ASPH: variants seen among roughly 807,000 people sequenced by gnomAD.
ASPH encodes the protein aspartyl/asparaginyl beta-hydroxylase.
Under a neutral mutation model 118.4 loss-of-function variants are expected in ASPH, and 100 were observed. The ratio of observed to expected loss-of-function variants is 0.84; its 90% CI spans 0.72 to 1.00. The LOEUF is 1.00. ASPH is among the 50% of genes least tolerant of loss of function. The probability of loss-of-function intolerance (pLI) is 0.00; values close to 1 mark genes in which losing one functional copy is unlikely to be tolerated. For synonymous variants in ASPH, 315 were observed against 325.6 expected, an observed-to-expected ratio of 0.97 and a Z score of 0.35; for missense variants, 920 against 919.5, an observed-to-expected ratio of 1.00 and a Z score of -0.01.
intron 14 of ASPH, among the ~76,000 whole-genome samples, chr8:61,590,771 A>G (rs1840879729): frequency 6.6e-6 from 1 of 152,042 alleles, no homozygotes; most frequent in Admixed American, 6.5e-5. Context: ...TGGCATGAAC[A>G]TTGACACTTC....
At position 61,502,968 on chromosome 8, in the gene ASPH, G is replaced by C. The variant is rs577848094; in HGVS notation, c.*391C>G. ...ATGACAAAATAGTCTAGCTACACTA[G>C]AAAAATATAACTGCATAGAAAAATT... On this transcript the variant is annotated 3_prime_UTR_variant, in exon 25 of 25. Transcript: ENST00000379454. 1.3e-5 allele frequency: 2 copies of C among 155,946 alleles called. No individual in the cohort carries two copies. The highest frequency in any genetic ancestry group is 1.9e-4 in the East Asian group (1 of 5,332). The allele number at this position is 155,946 out of a possible 1,614,324, so 9.7% of individuals were successfully genotyped here. A position where few individuals can be genotyped will look rare whatever the true frequency, so the allele number is the denominator to read the frequency against.
intron 18 of ASPH, among the ~76,000 whole-genome samples, chr8:61,558,202 G>C (rs1316965993): frequency 6.6e-6 from 1 of 152,204 alleles, no homozygotes; most frequent in East Asian, 1.9e-4. Flanking sequence ...GGTTATATAA[G>C]AGGGGCACCT....
At chr8:61,646,243 C>T (rs1356130212) in intron 6 of ASPH, among the ~76,000 whole-genome samples, 10 of 152,162 alleles carry the variant, frequency 6.6e-5, no homozygotes, top group African/African-American at 1.9e-4. Context: ...GCTGCTTTTA[C>T]GCTGTGATGG....
chr8:61,597,482 C>T (rs1437534486), intron 14 of ASPH, among the ~76,000 whole-genome samples: 1 of 152,094 alleles, frequency 6.6e-6, no homozygotes, highest in Non-Finnish European at 1.5e-5. Flanking sequence ...GAAATAATAG[C>T]TTTCAAACTT....
At chr8:61,627,277 C>T (rs1309520389) in intron 13 of ASPH, among the ~76,000 whole-genome samples, 1 of 152,166 alleles carries the variant, frequency 6.6e-6, no homozygotes, top group Non-Finnish European at 1.5e-5. Context: ...AATGACTACA[C>T]TTAACAAGGT....
At position 61,714,489 on chromosome 8, in the gene ASPH, T is replaced by C; in HGVS notation, c.-118A>G. Reference sequence around the variant, plus strand: ...CGCTGGAGCGGGTTCGGGCCGCTGCTCCTGCAGCAGACCCTGTGCCTCAGC... The same window carrying C: ...CGCTGGAGCGGGTTCGGGCCGCTGCCCCTGCAGCAGACCCTGTGCCTCAGC... On this transcript the variant is annotated 5_prime_UTR_variant, in exon 1 of 25. Coordinates refer to ENST00000379454, the MANE Select transcript of ASPH (RefSeq NM_004318.4). 1 of 1,325,964 alleles carries C rather than the reference T, an allele frequency of 7.5e-7. No individual in the cohort carries two copies. Among genetic ancestry groups the C allele is most frequent in the African/African-American group, 1.6e-5 (1 of 64,446 alleles). 82.1% of individuals were successfully genotyped at this position (1,325,964 alleles called of 1,614,324 possible). A position where few individuals can be genotyped will look rare whatever the true frequency, so the allele number is the denominator to read the frequency against.
intron 20 of ASPH, 105 bp downstream of exon 20, chr8:61,552,926 A>G (rs1203628803): frequency 2.1e-6 from 2 of 958,226 alleles, no homozygotes; most frequent in African/African-American, 1.7e-5. Flanking sequence ...CTGCTTTCGA[A>G]AGTTCACACT....
At chr8:61,699,053 G>A (rs902655050) in intron 1 of ASPH, among the ~76,000 whole-genome samples, 1 of 152,218 alleles carries the variant, frequency 6.6e-6, no homozygotes, top group African/African-American at 2.4e-5. Flanking sequence ...GCCTAACCAA[G>A]TGGGCGCTGG....
At chr8:61,639,247 G>A (rs141343315) in intron 10 of ASPH, among the ~76,000 whole-genome samples, 229 of 152,098 alleles carry the variant, frequency 1.5e-3, no homozygotes, top group African/African-American at 4.9e-3. Flanking sequence ...CTTGCTTCTC[G>A]TCACCCTCTC....
chr8:61,585,134 C>A (rs1263680762), intron 14 of ASPH, among the ~76,000 whole-genome samples: 1 of 152,212 alleles, frequency 6.6e-6, no homozygotes, highest in Non-Finnish European at 1.5e-5. Context: ...CAATCCATTG[C>A]TTACTTAGCA....
rs1213649462 is a variant in ASPH at position 61,500,709 on chromosome 8, A to T, written c.*2650T>A. 1 of 152,210 alleles carries T rather than the reference A, an allele frequency of 6.6e-6. No homozygotes were observed. The highest frequency in any genetic ancestry group is 1.5e-5 in the Non-Finnish European group (1 of 68,036). The allele number at this position is 152,210 out of a possible 1,614,324, so 9.4% of individuals were successfully genotyped here. On this transcript the variant is annotated 3_prime_UTR_variant, in exon 25 of 25. Transcript: ENST00000379454. The stretch of plus-strand genomic sequence containing the variant: ...CCAAGACCAGTGCATATTTTTAGAC[A>T]TCTCTTATTCGCCCAGCCATCTGCA...
chr8:61,634,661 T>C (rs1234105143), intron 12 of ASPH, among the ~76,000 whole-genome samples: 1 of 152,220 alleles, frequency 6.6e-6, no homozygotes, highest in Non-Finnish European at 1.5e-5. Flanking sequence ...GACTATTGAA[T>C]AGCTATGTTG....
chr8:61,698,945 C>T (rs1834588696), intron 1 of ASPH, among the ~76,000 whole-genome samples: 1 of 152,234 alleles, frequency 6.6e-6, no homozygotes, highest in East Asian at 1.9e-4. Context: ...AAAGAGAAGT[C>T]TGGTCTTTGC....
chr8:61,582,483 G>A (rs1837884358), intron 15 of ASPH, among the ~76,000 whole-genome samples: 1 of 152,094 alleles, frequency 6.6e-6, no homozygotes, highest in Admixed American at 6.5e-5. Context: ...AACAGTAGAT[G>A]GCTTCACTTC....
At chr8:61,676,213 G>T (rs749721439) in intron 3 of ASPH, 6 of 1,598,234 alleles carry the variant, frequency 3.8e-6, no homozygotes, top group Middle Eastern at 1.7e-4. Flanking sequence ...TTATATCATA[G>T]AGAAATGAGA....
chr8:61,624,608 C>T (rs911369966), intron 13 of ASPH: 23 of 985,132 alleles, frequency 2.3e-5, no homozygotes, highest in East Asian at 2.3e-4. Flanking sequence ...GAAAATCCAC[C>T]GATGTTGCAC....
chr8:61,646,762 C>T lies in ASPH; in HGVS notation c.607G>A (p.Val203Ile). 3 of 1,610,756 alleles carry T rather than the reference C, an allele frequency of 1.9e-6. No individual in the cohort carries two copies. The highest frequency in any genetic ancestry group is 1.1e-5 in the South Asian group (1 of 90,854). Residue 203 changes from valine (V) to isoleucine (I), a missense_variant, in exon 6 of 25, where the codon GTA (valine) becomes ATA (isoleucine). Coordinates refer to ENST00000379454, the MANE Select transcript of ASPH (RefSeq NM_004318.4). ...AAAAGTGTTCTACCTTCATGAGATA[C>T]TTCAGGTTCCAGGGTCTCAAATCTA... is the stretch of plus-strand genomic sequence containing the variant. ...DDRFETLEPEVSHEETEHSYH... is the reference protein window; with the variant it reads ...DDRFETLEPEISHEETEHSYH...
At chr8:61,599,252 T>C (rs550300851) in intron 14 of ASPH, among the ~76,000 whole-genome samples, 17 of 152,114 alleles carry the variant, frequency 1.1e-4, no homozygotes, top group Non-Finnish European at 1.8e-4. Context: ...TTCTCATTCA[T>C]AGATGGGAAT....
At position 61,714,586 on chromosome 8, in the gene ASPH, T is replaced by C; in HGVS notation, c.-215A>G. On this transcript the variant is annotated 5_prime_UTR_variant, in exon 1 of 25. Transcript: ENST00000379454. ...GCGCCCGGCCTCGCGTGTACGAACCTGTGACTCCCTCCCGGGGCGAGAGCG... is the reference window on the plus strand; with the variant it reads ...GCGCCCGGCCTCGCGTGTACGAACCCGTGACTCCCTCCCGGGGCGAGAGCG... 5.0e-6 allele frequency: 3 copies of C among 604,794 alleles called. No homozygotes were observed. The highest frequency in any genetic ancestry group is 7.3e-6 in the Non-Finnish European group (3 of 413,630). The allele number at this position is 604,794 out of a possible 1,614,324, so 37.5% of individuals were successfully genotyped here.
Sources: gnomAD v4.1 joint callset for allele counts (sites outside exome capture counted in the v4.1 genomes callset) on GRCh38, gnomAD v4.1.1 for gene constraint, MANE v1.5 for transcripts, NCBI Gene and HGNC (gene_info 2026-07-23, HGNC 2026-07-21) for gene names.